ELF3: variants seen among roughly 807,000 people sequenced by gnomAD.
The protein encoded by ELF3 is E74 like ETS transcription factor 3.
In ELF3, 18 loss-of-function variants were observed where a neutral mutation model predicts 43.9. The ratio of observed to expected loss-of-function variants is 0.41; its 90% confidence interval spans 0.28 to 0.61. The LOEUF (loss-of-function observed/expected upper bound fraction) is 0.61. Ranked by LOEUF, ELF3 falls within the 20% of genes least tolerant of loss-of-function variation. The pLI is 0.30. For missense variants in ELF3, 373 were observed against 487.7 expected (o/e 0.76, Z 2.21); for synonymous variants, 181 against 190.2 (o/e 0.95, Z 0.40).
At position 202,014,855 on chromosome 1, in the gene ELF3, G is replaced by A. The variant is rs112891013; in HGVS notation, c.1002-354G>A. On this transcript the variant is annotated intron_variant, in intron 8 of 8. Coordinates refer to ENST00000367284, the MANE Select transcript of ELF3 (RefSeq NM_004433.5). ...ACTCCTGACCTCAAGTGATCCGCCC[G>A]CCTCAGCCTCCCAAAGTGCTGGAAT... The A allele has an allele frequency of 7.8e-3, 1,677 of 215,768 alleles. 28 individuals are homozygous for A. The highest frequency in any genetic ancestry group is 0.035 in the African/African-American group (1,576 of 44,790). 13.4% of individuals were successfully genotyped at this position (215,768 alleles called of 1,614,324 possible).
chr1:202,011,118 C>T lies in ELF3; in HGVS notation c.-8-11C>T, dbSNP rs370831482. The stretch of plus-strand genomic sequence containing the variant: ...CCTCACCAACCTCATCCTCTCTCCC[C>T]CTACCCACAGGTAGCCTCATGGCTG... On this transcript the variant is annotated splice_polypyrimidine_tract_variant and intron_variant, in intron 1 of 8. Transcript: ENST00000367284. The T allele has an allele frequency of 8.7e-6, 14 of 1,613,556 alleles. No individual in the cohort carries two copies. In the Admixed American group the frequency reaches 1.2e-4, roughly 13 times the overall value.
At position 202,017,093 on chromosome 1, in the gene ELF3, T is replaced by A. The variant is rs1175991196; in HGVS notation, c.*1770T>A. On this transcript the variant is annotated 3_prime_UTR_variant, in exon 9 of 9. Transcript: ENST00000367284. ...TCCATACAGCACATTAAAATCCCAT[T>A]CATGAGTTTGAAATACTGCTCTGTT... The A allele has an allele frequency of 6.6e-6, 1 of 152,302 alleles. No homozygotes were observed. The highest frequency in any genetic ancestry group is 1.9e-4 in the East Asian group (1 of 5,178). 9.4% of individuals were successfully genotyped at this position (152,302 alleles called of 1,614,324 possible).
At position 202,013,219 on chromosome 1, in the gene ELF3, C is replaced by G; in HGVS notation, c.726C>G (p.His242Gln). 6.2e-7 allele frequency: 1 copy of G among 1,614,094 alleles called. No homozygotes were observed. The highest frequency in any genetic ancestry group is 8.5e-7 in the Non-Finnish European group (1 of 1,180,014). ...ACTGCAAGAAGGGGGATCCCAAGCA[C>G]GGGAAGCGGAAACGAGGCCGGCCCC... ...FRDCKKGDPKHGKRKRGRPRK... is the reference protein window; with the variant it reads ...FRDCKKGDPKQGKRKRGRPRK... The change falls in exon 7 of 9, where the codon CAC becomes CAG. Residue 242 changes from histidine to glutamine, a missense_variant. His to Gln is a conservative substitution (Grantham distance 24). This residue lies in a region of ELF3 where 311 missense variants were observed against 351.2 expected (regional missense o/e 0.89). Transcript: ENST00000367284. The surrounding 1 kb of genome is among the most constrained non-coding windows in gnomAD (Gnocchi z 5.7).
At chr1:202,011,697 C>T in intron 2 of ELF3, 1 of 510,852 alleles carries the variant, frequency 2.0e-6, no homozygotes, top group Non-Finnish European at 3.5e-6. Context: ...CATGGTGAAA[C>T]CCCGTCTCTA....
In ELF3 at chr1:202,012,252, C is replaced by A; in HGVS notation, c.385+74C>A. Reference sequence around the variant, plus strand: ...GAGTCGAGTTCAGTGTGGCCGTAGGCAGGCCCTGGAGCTCTGGGCCAGCTG... The same window carrying A: ...GAGTCGAGTTCAGTGTGGCCGTAGGAAGGCCCTGGAGCTCTGGGCCAGCTG... On this transcript the variant is annotated intron_variant, in intron 3 of 8. Transcript: ENST00000367284. This position sits in a 1 kb window ranked among gnomAD's most constrained non-coding sequence, Gnocchi z 4.2. The A allele has an allele frequency of 6.2e-7, 1 of 1,605,586 alleles. No homozygotes were observed. Among genetic ancestry groups the A allele is most frequent in the South Asian group, 1.1e-5 (1 of 90,398 alleles).
rs746870696 is a variant in ELF3, at chr1:202,013,155, C to A, written c.689-27C>A. On this transcript the variant is annotated intron_variant, in intron 6 of 8. Coordinates refer to ENST00000367284, the MANE Select transcript of ELF3 (RefSeq NM_004433.5). The surrounding 1 kb of genome is among the most constrained non-coding windows in gnomAD (Gnocchi z 5.7). Reference sequence around the variant, plus strand: ...CTCCCTAACTCCCCTCTTGCCCCTCCTTGACCTTCCACCACCGTCCCCACA... The same window carrying A: ...CTCCCTAACTCCCCTCTTGCCCCTCATTGACCTTCCACCACCGTCCCCACA... The A allele has an allele frequency of 6.2e-7, 1 of 1,612,610 alleles. No individual in the cohort carries two copies. The highest frequency in any genetic ancestry group is 1.3e-5 in the African/African-American group (1 of 74,900).
chr1:202,015,772 C>T lies in ELF3; in HGVS notation c.*449C>T, dbSNP rs536935627. 5.0e-5 allele frequency: 9 copies of T among 181,802 alleles called. No individual in the cohort carries two copies. The South Asian group carries it at 1.0e-3, about 21-fold the overall frequency. The allele number at this position is 181,802 out of a possible 1,614,324, so 11.3% of individuals were successfully genotyped here. A position where few individuals can be genotyped will look rare whatever the true frequency, so the allele number is the denominator to read the frequency against. On this transcript the variant is annotated 3_prime_UTR_variant, in exon 9 of 9. Coordinates refer to ENST00000367284, the MANE Select transcript of ELF3 (RefSeq NM_004433.5). ...CTCCCTGCTCAGTGCTTGGGCTCCA[C>T]GGGCAGGGGTCAGAGCACTCCCTAA... is the stretch of plus-strand genomic sequence containing the variant.
intron 2 of ELF3, 157 bp from the exon 3 acceptor site, chr1:202,011,800 C>A: frequency 1.4e-6 from 1 of 693,054 alleles, no homozygotes; most frequent in Non-Finnish European, 2.4e-6. Flanking sequence ...TCGCTTGAAC[C>A]TGGGAGGTGG....
At position 202,010,991 on chromosome 1, in the gene ELF3, C is replaced by G. The variant is rs2819361; in HGVS notation, c.-8-138C>G. 590,306 of 859,214 alleles carry G rather than the reference C, an allele frequency of 0.69. 205,251 individuals are homozygous for G. Among genetic ancestry groups the G allele is most frequent in the East Asian group, 0.94 (34,199 of 36,234 alleles). The allele number at this position is 859,214 out of a possible 1,614,324, so 53.2% of individuals were successfully genotyped here. ...GATCTTGGAGCCCTTCTTGAAGAGA[C>G]GGTGTCCGCAGAGTTGCTGATCTTC... On this transcript the variant is annotated intron_variant, in intron 1 of 8. Coordinates refer to ENST00000367284, the MANE Select transcript of ELF3 (RefSeq NM_004433.5). This position sits in a 1 kb window ranked among gnomAD's most constrained non-coding sequence, Gnocchi z 4.3.
In ELF3 at chr1:202,013,638, C is replaced by G. The variant is rs1331022796; in HGVS notation, c.806-191C>G. Reference sequence around the variant, plus strand: ...GGACACCCTCAATGTGAGGAGGCAGCTGGTGGGTCTTAGGTGGGCTGAGGA... The same window carrying G: ...GGACACCCTCAATGTGAGGAGGCAGGTGGTGGGTCTTAGGTGGGCTGAGGA... On this transcript the variant is annotated intron_variant, in intron 7 of 8. Transcript: ENST00000367284. The surrounding 1 kb of genome is among the most constrained non-coding windows in gnomAD (Gnocchi z 5.7). 4.5e-6 allele frequency: 3 copies of G among 660,802 alleles called. No homozygotes were observed. Among genetic ancestry groups the G allele is most frequent in the Non-Finnish European group, 5.2e-6 (2 of 385,844 alleles). The allele number at this position is 660,802 out of a possible 1,614,324, so 40.9% of individuals were successfully genotyped here.
Position 202,015,226 on chromosome 1 carries a change from A to G in ELF3, c.1019A>G (p.Glu340Gly). 6.2e-7 allele frequency: 1 copy of G among 1,614,104 alleles called. No homozygotes were observed. The highest frequency in any genetic ancestry group is 1.7e-4 in the Middle Eastern group (1 of 6,060). Residue 340 changes from glutamate (E) to glycine (G), a missense_variant, in exon 9 of 9, where the codon GAG (glutamate) becomes GGG (glycine). By Grantham distance (98) the Glu-to-Gly change is moderately conservative (BLOSUM62 -2). This residue lies in a region of ELF3 where 61 missense variants were observed against 115.9 expected (regional missense o/e 0.53). Coordinates refer to ENST00000367284, the MANE Select transcript of ELF3 (RefSeq NM_004433.5). ...TCACCCAGGTACTACTACAAACGGG[A>G]GATCCTGGAACGGGTGGATGGCCGG... ...SRAMRYYYKR[E>G]ILERVDGRRL...
intron 2 of ELF3, 131 bp from the exon 3 acceptor site, chr1:202,011,826 G>A (rs968107047): frequency 2.8e-5 from 24 of 869,394 alleles, no homozygotes; most frequent in Non-Finnish European, 3.5e-5. Flanking sequence ...GCTGTGAGCC[G>A]AGATTGTGCC....
chr1:202,012,931 T>C lies in ELF3; in HGVS notation c.599-16T>C. The C allele has an allele frequency of 6.2e-7, 1 of 1,600,938 alleles. No homozygotes were observed. The highest frequency in any genetic ancestry group is 8.5e-7 in the Non-Finnish European group (1 of 1,173,916). ...GGGTGGGCCGGCAGGGGACTTACTCTGACCCCGCCCCCCAGGGACTGGTGC... is the reference window on the plus strand; with the variant it reads ...GGGTGGGCCGGCAGGGGACTTACTCCGACCCCGCCCCCCAGGGACTGGTGC... On this transcript the variant is annotated splice_polypyrimidine_tract_variant and intron_variant, in intron 5 of 8. Coordinates refer to ENST00000367284, the MANE Select transcript of ELF3 (RefSeq NM_004433.5). This position sits in a 1 kb window ranked among gnomAD's most constrained non-coding sequence, Gnocchi z 4.2.
Position 202,013,780 on chromosome 1 carries a change from G to T in ELF3, c.806-49G>T, listed in dbSNP as rs772761178. ...GGGCGGGCAGGGCTGGCTGGCCTTG[G>T]GTGAGAGGGGACACCTGGATGGCAA... On this transcript the variant is annotated intron_variant, in intron 7 of 8. Coordinates refer to ENST00000367284, the MANE Select transcript of ELF3 (RefSeq NM_004433.5). The surrounding 1 kb of genome is among the most constrained non-coding windows in gnomAD (Gnocchi z 5.7). 1 of 1,569,560 alleles carries T rather than the reference G, an allele frequency of 6.4e-7. No individual in the cohort carries two copies. The highest frequency in any genetic ancestry group is 1.3e-5 in the African/African-American group (1 of 74,106).
In ELF3 at chr1:202,013,033, A is replaced by G; in HGVS notation, c.685A>G (p.Ser229Gly). Residue 229 changes from serine (S) to glycine (G), a missense_variant, in exon 6 of 9, where the codon AGC (serine) becomes GGC (glycine). Ser to Gly is a moderately conservative substitution (Grantham distance 56). Transcript: ENST00000367284. This position sits in a 1 kb window ranked among gnomAD's most constrained non-coding sequence, Gnocchi z 5.7. ...LDPTDGKLFP[S>G]DGFRDCKKGD... ...TCCCACTGATGGCAAGCTCTTCCCC[A>G]GCGGTGAGTCGAGGGAGGTCCCCAA... 6.2e-7 allele frequency: 1 copy of G among 1,613,012 alleles called. No individual in the cohort carries two copies. Among genetic ancestry groups the G allele is most frequent in the Non-Finnish European group, 8.5e-7 (1 of 1,179,430 alleles).
chr1:202,012,608 G>C lies in ELF3; in HGVS notation c.479-32G>C. The C allele has an allele frequency of 6.4e-7, 1 of 1,559,598 alleles. No individual in the cohort carries two copies. Among genetic ancestry groups the C allele is most frequent in the Non-Finnish European group, 8.7e-7 (1 of 1,152,704 alleles). Reference sequence around the variant, plus strand: ...CACCTGTCCTGGTCTGGTCCCCTGAGCCCTCTCTGAGTTCTCACCTCCTCT... The same window carrying C: ...CACCTGTCCTGGTCTGGTCCCCTGACCCCTCTCTGAGTTCTCACCTCCTCT... On this transcript the variant is annotated intron_variant, in intron 4 of 8. Transcript: ENST00000367284. The surrounding 1 kb of genome is among the most constrained non-coding windows in gnomAD (Gnocchi z 4.2).
At chr1:202,011,772 G>T in intron 2 of ELF3, 185 bp from the exon 3 acceptor site, 2 of 619,974 alleles carry the variant, frequency 3.2e-6, no homozygotes, top group Non-Finnish European at 2.8e-6. Flanking sequence ...AGCTACTGGG[G>T]AGGCTGACGC....
rs1462001357 is a variant in ELF3 at position 202,016,862 on chromosome 1, C to T, written c.*1539C>T. The stretch of plus-strand genomic sequence containing the variant: ...ATTTGACAGATGCAGAAAGAGGTTC[C>T]ACAGGTGTGCCTTGATTCTGTCCTA... On this transcript the variant is annotated 3_prime_UTR_variant, in exon 9 of 9. Transcript: ENST00000367284. The T allele has an allele frequency of 6.6e-6, 1 of 152,160 alleles. No individual in the cohort carries two copies. Among genetic ancestry groups the T allele is most frequent in the African/African-American group, 2.4e-5 (1 of 41,430 alleles). 9.4% of individuals were successfully genotyped at this position (152,160 alleles called of 1,614,324 possible). A position where few individuals can be genotyped will look rare whatever the true frequency, so the allele number is the denominator to read the frequency against.
rs771427584 is a variant in ELF3, at chr1:202,012,139, C to T, written c.346C>T (p.Pro116Ser). The change falls in exon 3 of 9, where the codon CCT becomes TCT. Residue 116 changes from proline (P) to serine (S), a missense_variant. Physicochemically the swap from Pro to Ser is moderately conservative, Grantham distance 74. Transcript: ENST00000367284. This position sits in a 1 kb window ranked among gnomAD's most constrained non-coding sequence, Gnocchi z 4.2. ...ALEELRLVFG[P>S]LGDQLHAQLR... ...TGAGGAGCTGCGTCTGGTCTTTGGG[C>T]CTCTGGGGGACCAACTCCATGCCCA... The T allele has an allele frequency of 1.2e-6, 2 of 1,613,812 alleles. No homozygotes were observed. Among genetic ancestry groups the T allele is most frequent in the East Asian group, 2.2e-5 (1 of 44,882 alleles).
Sources: gnomAD v4.1 joint callset for allele counts on GRCh38, gnomAD v4.1.1 for gene constraint, gnomAD v4.1.1 regional missense constraint, Gnocchi (gnomAD v3.1) non-coding constraint, MANE v1.5 for transcripts, NCBI Gene and HGNC (gene_info 2026-07-23, HGNC 2026-07-21) for gene names.